Variants in HDAC9 observed in about 807,000 individuals in gnomAD.
The protein encoded by HDAC9 is MEF-2 interacting transcription repressor (MITR) protein.
In HDAC9, 41 loss-of-function variants were observed where a neutral mutation model predicts 139.4. The ratio of observed to expected loss-of-function variants is 0.29; its 90% CI spans 0.23 to 0.38. HDAC9 has a LOEUF of 0.38. Among genes scored for constraint, HDAC9 ranks in the 10% least tolerant of loss-of-function variants. The probability of loss-of-function intolerance (pLI) is 1.00; values close to 1 mark genes in which losing one functional copy is unlikely to be tolerated. For missense variants in HDAC9, 1,147 were observed against 1,297.0 expected, an observed-to-expected ratio of 0.88 and a Z score of 1.78; for synonymous variants, 517 against 476.2, an observed-to-expected ratio of 1.09 and a Z score of -1.12.
rs760139178 is a variant in HDAC9, at chr7:18,935,825, G to A, written c.2820G>A (p.Thr940=). ...TTATGGTAGGTTTTGGTCATTTGACGAAGCAATTGATGACATTGGCTGATG... is the reference window on the plus strand; with the variant it reads ...TTATGGTAGGTTTTGGTCATTTGACAAAGCAATTGATGACATTGGCTGATG... ...KVTAKCFGHL[T]KQLMTLADGR... is the part of the protein sequence containing the mutation. Residue 940 remains threonine, a synonymous_variant, in exon 23 of 26, where the codon ACG becomes ACA. Coordinates refer to ENST00000686413, the MANE Select transcript of HDAC9 (RefSeq NM_178425.4). The A allele has an allele frequency of 9.9e-6, 16 of 1,613,320 alleles. No individual in the cohort carries two copies. The East Asian group carries it at 1.1e-4, about 11-fold the overall frequency.
Position 18,635,433 on chromosome 7 carries a change from G to T in HDAC9, c.912+691G>T, listed in dbSNP as rs149349971. Among the ~76,000 whole-genome samples, 35 of 152,038 alleles carry T rather than the reference G, an allele frequency of 2.3e-4. No individual in the cohort carries two copies. The East Asian group carries it at 6.2e-3, about 27-fold the overall frequency. On this transcript the variant is annotated intron_variant, in intron 8 of 25. Coordinates refer to ENST00000686413, the MANE Select transcript of HDAC9 (RefSeq NM_178425.4). ...ATGTTTGAAGAATGACATATTAAAG[G>T]ATATTAGTTTAAAGTAACACATGAT...
At chr7:18,545,937 G>A (rs1423466429) in intron 2 of HDAC9, among the ~76,000 whole-genome samples, 2 of 152,146 alleles carry the variant, frequency 1.3e-5, no homozygotes, top group Admixed American at 6.5e-5. Flanking sequence ...TGAATCTCTA[G>A]ACTAAAATTT....
rs1489433054 is a variant in HDAC9 at position 18,355,820 on chromosome 7, A to G, written c.-42+65305A>G. On this transcript the variant is annotated intron_variant, in intron 1 of 3. Coordinates refer to the HDAC9 transcript ENST00000413509. ...GGAGGAATTGCCTTGTCATGTTATG[A>G]AGCATTTAATTCTAAACTTCTCTGT... Among the ~76,000 whole-genome samples, 4 of 152,184 alleles carry G rather than the reference A, an allele frequency of 2.6e-5. No homozygotes were observed. The East Asian group carries it at 7.7e-4, about 29-fold the overall frequency.
chr7:18,255,580 A>G (rs1227953189), intron 2 of HDAC9, among the ~76,000 whole-genome samples: 2 of 149,954 alleles, frequency 1.3e-5, no homozygotes, highest in African/African-American at 4.9e-5. Context: ...CTTTATGGAT[A>G]GTTTTGATGA....
intron 1 of HDAC9, among the ~76,000 whole-genome samples, chr7:18,103,679 G>A (rs944776884): frequency 2.0e-5 from 3 of 152,102 alleles, no homozygotes; most frequent in Non-Finnish European, 4.4e-5. Context: ...TGGAATCTGC[G>A]ACCTTAAGTG....
At chr7:18,642,784 C>A (rs10241413) in intron 8 of HDAC9, among the ~76,000 whole-genome samples, 7,016 of 152,068 alleles carry the variant, frequency 0.046, 551 homozygotes, top group African/African-American at 0.15. Flanking sequence ...TCTATTTCTC[C>A]TTTTAGTTTA....
chr7:18,986,864 TGTTTGTCTGTTGTTGG>T (rs1352539818), intron 25 of HDAC9, among the ~76,000 whole-genome samples: 3 of 152,206 alleles, frequency 2.0e-5, no homozygotes, highest in Non-Finnish European at 4.4e-5. Context: ...ATGATTTGGC[TGTTTGTCTGTTGTTGG>T]TGTATAAGAA....
At chr7:18,897,474 T>C (rs1801310261) in intron 22 of HDAC9, among the ~76,000 whole-genome samples, 1 of 151,944 alleles carries the variant, frequency 6.6e-6, no homozygotes, top group Non-Finnish European at 1.5e-5. Flanking sequence ...AGTGTTACAA[T>C]TTACTAAAAA....
At chr7:18,878,305 C>G (rs1799473998) in intron 22 of HDAC9, among the ~76,000 whole-genome samples, 1 of 152,070 alleles carries the variant, frequency 6.6e-6, no homozygotes, top group Non-Finnish European at 1.5e-5. Context: ...GCAGTGAATT[C>G]ATATATTCAA....
intron 2 of HDAC9, among the ~76,000 whole-genome samples, chr7:18,172,407 G>C (rs1315982012): frequency 2.6e-5 from 4 of 152,072 alleles, no homozygotes; most frequent in Non-Finnish European, 5.9e-5. Context: ...CCAGCTCCTG[G>C]ATTCATTGAT....
intron 16 of HDAC9, among the ~76,000 whole-genome samples, chr7:18,770,200 G>A (rs1006057832): frequency 2.6e-5 from 4 of 152,112 alleles, no homozygotes; most frequent in Non-Finnish European, 2.9e-5. Context: ...ACTGCATTTC[G>A]AGCAACAATG....
At position 18,835,809 on chromosome 7, in the gene HDAC9, C is replaced by G; in HGVS notation, c.2587-91C>G. The G allele has an allele frequency of 4.0e-6, 4 of 998,810 alleles. No individual in the cohort carries two copies. In the South Asian group the frequency reaches 4.6e-5, roughly 11 times the overall value. 61.9% of individuals were successfully genotyped at this position (998,810 alleles called of 1,614,324 possible). On this transcript the variant is annotated intron_variant, in intron 20 of 25. Transcript: ENST00000686413. ...TTGATGTGTTGTTTGATGTTTATTT[C>G]AAGAGCTCCCATGTGCTTGTTTTCC...
chr7:18,244,056 C>A (rs1332091758), intron 2 of HDAC9, among the ~76,000 whole-genome samples: 1 of 152,160 alleles, frequency 6.6e-6, no homozygotes, highest in East Asian at 1.9e-4. Context: ...AATAGCCCAG[C>A]ATGACAGTAA....
At chr7:18,645,008 C>T (rs1474911056) in intron 9 of HDAC9, among the ~76,000 whole-genome samples, 1 of 152,036 alleles carries the variant, frequency 6.6e-6, no homozygotes, top group African/African-American at 2.4e-5. Context: ...AACATAATAA[C>T]TAACATTTGT....
At chr7:18,150,134 A>G (rs1786664594) in intron 1 of HDAC9, among the ~76,000 whole-genome samples, 1 of 149,090 alleles carries the variant, frequency 6.7e-6, no homozygotes, top group South Asian at 2.1e-4. Flanking sequence ...ACGTTCTGCC[A>G]TTTCCTACTT....
rs558237915 is a variant in HDAC9, at chr7:18,998,781, C to T, written c.*2719C>T. On this transcript the variant is annotated 3_prime_UTR_variant, in exon 26 of 26. Coordinates refer to ENST00000686413, the MANE Select transcript of HDAC9 (RefSeq NM_178425.4). ...TTACTTTGAAGGAAAATCACATACG[C>T]TCTCTCATGGTCTCATGGTATCTCA... is the stretch of plus-strand genomic sequence containing the variant. 115 of 152,268 alleles carry T rather than the reference C, an allele frequency of 7.6e-4. No individual in the cohort carries two copies. Among genetic ancestry groups the T allele is most frequent in the African/African-American group, 2.7e-3 (111 of 41,570 alleles). 9.4% of individuals were successfully genotyped at this position (152,268 alleles called of 1,614,324 possible). A position where few individuals can be genotyped will look rare whatever the true frequency, so the allele number is the denominator to read the frequency against.
In HDAC9 at chr7:18,524,696, G is replaced by T. The variant is rs139511459; in HGVS notation, c.22+28372G>T. ...TTCTTAACTCTGTCTCTCTTCTAGG[G>T]ATTGAGAGATACAGAGAGATTGAGA... On this transcript the variant is annotated intron_variant, in intron 2 of 25. Transcript: ENST00000686413. 7.1e-4 allele frequency among the ~76,000 whole-genome samples: 108 copies of T among 152,206 alleles called. 1 individual carries two copies. Among genetic ancestry groups the T allele is most frequent in the African/African-American group, 2.5e-3 (103 of 41,526 alleles).
At chr7:18,490,320 T>G (rs1045872938) in intron 1 of HDAC9, among the ~76,000 whole-genome samples, 40 of 152,040 alleles carry the variant, frequency 2.6e-4, no homozygotes, top group Admixed American at 4.6e-4. Flanking sequence ...CAGGTGATTT[T>G]GATCCTCTGT....
chr7:18,455,996 A>G (rs568558989), intron 1 of HDAC9, among the ~76,000 whole-genome samples: 9 of 152,174 alleles, frequency 5.9e-5, no homozygotes, highest in Non-Finnish European at 1.2e-4. Flanking sequence ...TTTACTTGCT[A>G]GGGAGATTTA....
Sources: gnomAD v4.1 joint callset for allele counts (sites outside exome capture counted in the v4.1 genomes callset) on GRCh38, gnomAD v4.1.1 for gene constraint, MANE v1.5 for transcripts, NCBI Gene and HGNC (gene_info 2026-07-23, HGNC 2026-07-21) for gene names.